NDUFS1: variants seen among roughly 807,000 people sequenced by gnomAD.
The protein encoded by NDUFS1 is NADH:ubiquinone oxidoreductase core subunit S1.
Under a neutral mutation model 84.4 loss-of-function variants are expected in NDUFS1, and 61 were observed. The observed-to-expected ratio is 0.72, with a 90% CI of 0.59 to 0.89. NDUFS1 has a LOEUF of 0.89. Ranked by LOEUF, NDUFS1 falls within the 40% of genes least tolerant of loss-of-function variation. NDUFS1 has a pLI of 0.00. For missense variants in NDUFS1, 891 were observed against 890.0 expected, an observed-to-expected ratio of 1.00 and a Z score of -0.01; for synonymous variants, 275 against 290.0, an observed-to-expected ratio of 0.95 and a Z score of 0.53.
At chr2:206,136,639 G>T (rs1216719788) in intron 13 of NDUFS1, among the ~76,000 whole-genome samples, 1 of 151,776 alleles carries the variant, frequency 6.6e-6, no homozygotes, top group Non-Finnish European at 1.5e-5. Context: ...TAACCATGTT[G>T]GCCAGGCTGG....
rs1691111415 is a variant in NDUFS1, at chr2:206,122,055, C to T, written c.*2130G>A. The T allele has an allele frequency of 6.6e-6, 1 of 152,154 alleles. No individual in the cohort carries two copies. Among genetic ancestry groups the T allele is most frequent in the Non-Finnish European group, 1.5e-5 (1 of 68,038 alleles). The allele number at this position is 152,154 out of a possible 1,614,324, so 9.4% of individuals were successfully genotyped here. On this transcript the variant is annotated 3_prime_UTR_variant, in exon 19 of 19. Coordinates refer to ENST00000233190, the MANE Select transcript of NDUFS1 (RefSeq NM_005006.7). ...AGGTAACTGGGCATTTTAGGCAAAG[C>T]ACACAACTTCATGATGTATCACTGA...
At chr2:206,130,570 G>C (rs997231424) in intron 14 of NDUFS1, among the ~76,000 whole-genome samples, 2 of 152,060 alleles carry the variant, frequency 1.3e-5, no homozygotes, top group African/African-American at 4.8e-5. Flanking sequence ...GGCCAGGCTG[G>C]TCTTGAACTC....
intron 10 of NDUFS1, among the ~76,000 whole-genome samples, 197 bp from the exon 11 acceptor site, chr2:206,143,028 G>C (rs1490950179): frequency 6.6e-6 from 1 of 152,196 alleles, no homozygotes; most frequent in Non-Finnish European, 1.5e-5. Context: ...GAAGTGGGCG[G>C]ATCACCTGCA....
At chr2:206,134,256 T>G (rs1691624704) in intron 13 of NDUFS1, among the ~76,000 whole-genome samples, 2 of 152,168 alleles carry the variant, frequency 1.3e-5, no homozygotes, top group Non-Finnish European at 2.9e-5. Flanking sequence ...CTGTAGAGTA[T>G]TATATAGTAA....
intron 1 of NDUFS1, among the ~76,000 whole-genome samples, chr2:206,154,378 T>C (rs1380673081): frequency 6.6e-6 from 1 of 152,206 alleles, no homozygotes; most frequent in Non-Finnish European, 1.5e-5. Flanking sequence ...CTGAACACAC[T>C]GTTGTCACAA....
Position 206,138,545 on chromosome 2 carries a change from G to A in NDUFS1, c.1332C>T (p.His444=), listed in dbSNP as rs1397775409. Residue 444 remains histidine, a synonymous_variant, in exon 13 of 19, where the codon CAC becomes CAT. Transcript: ENST00000233190. The part of the protein sequence containing the change: ...SPVDLTYTYD[H]LGDSPKILQD... ...GAAGAATTTTGGGGGAGTCTCCCAG[G>A]TGGTCATATGTGTAAGTGAGGTCCA... 1.2e-6 allele frequency: 2 copies of A among 1,613,868 alleles called. No homozygotes were observed. The highest frequency in any genetic ancestry group is 2.2e-5 in the East Asian group (1 of 44,880).
chr2:206,159,362 GC>G lies in NDUFS1; in HGVS notation c.-27del. On this transcript the variant is annotated 5_prime_UTR_variant, in exon 1 of 19. Transcript: ENST00000233190. Reference sequence around the variant, plus strand: ...TCACCTTCTCCCCGGAGCCGCGGAGGCTGTTCTGCTAAACTGTCTGGACCAC... The same window carrying G: ...TCACCTTCTCCCCGGAGCCGCGGAGGTGTTCTGCTAAACTGTCTGGACCAC... The G allele has an allele frequency of 1.7e-6, 1 of 594,730 alleles. No individual in the cohort carries two copies. The highest frequency in any genetic ancestry group is 2.0e-5 in the South Asian group (1 of 49,456). 36.8% of individuals were successfully genotyped at this position (594,730 alleles called of 1,614,324 possible).
chr2:206,159,191 T>G, intron 1 of NDUFS1, 150 bp downstream of exon 1: 2 of 1,517,474 alleles, frequency 1.3e-6, no homozygotes, highest in Non-Finnish European at 1.8e-6. Flanking sequence ...ATCTGCCGGC[T>G]CTCAGGGGCT....
chr2:206,134,407 G>A (rs1691631323), intron 13 of NDUFS1, among the ~76,000 whole-genome samples: 1 of 152,130 alleles, frequency 6.6e-6, no homozygotes, highest in Non-Finnish European at 1.5e-5. Context: ...GCCGAAGTGG[G>A]TGGATGACTT....
At chr2:206,131,600 G>C (rs1691513016) in intron 14 of NDUFS1, among the ~76,000 whole-genome samples, 1 of 152,028 alleles carries the variant, frequency 6.6e-6, no homozygotes, top group Non-Finnish European at 1.5e-5. Flanking sequence ...TCAGGAGTTT[G>C]AGACCAGCCT....
Position 206,147,482 on chromosome 2 carries a change from T to A in NDUFS1, c.551+49A>T, listed in dbSNP as rs190204715. On this transcript the variant is annotated intron_variant, in intron 7 of 18. Coordinates refer to ENST00000233190, the MANE Select transcript of NDUFS1 (RefSeq NM_005006.7). ...TTATTATTCATCAAATTGTGACTAT[T>A]AAGTATACAATTATATTCTATAATA... is the stretch of plus-strand genomic sequence containing the variant. 21 of 1,531,424 alleles carry A rather than the reference T, an allele frequency of 1.4e-5. No homozygotes were observed. In the African/African-American group the frequency reaches 2.8e-4, roughly 20 times the overall value. The allele number at this position is 1,531,424 out of a possible 1,614,324, so 94.9% of individuals were successfully genotyped here. A position where few individuals can be genotyped will look rare whatever the true frequency, so the allele number is the denominator to read the frequency against.
chr2:206,145,920 T>A (rs982637958), intron 8 of NDUFS1, among the ~76,000 whole-genome samples: 1 of 152,204 alleles, frequency 6.6e-6, no homozygotes. Flanking sequence ...TTTGTAGTGG[T>A]AATTGCGGCA....
rs972153295 is a variant in NDUFS1 at position 206,145,315 on chromosome 2, G to A, written c.738-289C>T. On this transcript the variant is annotated intron_variant, in intron 8 of 18. Transcript: ENST00000233190. ...CATTTTAAAAATTTTTTGTAGAGCC[G>A]GTGTCTCATTATGCTGACCAGGCTG... Among the ~76,000 whole-genome samples the A allele has an allele frequency of 5.3e-5, 8 of 151,744 alleles. No individual in the cohort carries two copies. The East Asian group carries it at 5.8e-4, about 11-fold the overall frequency.
In NDUFS1 at chr2:206,115,900, T is replaced by G. The variant is rs1240817451; in HGVS notation, c.*8285A>C. ...ATACTAGAGCCTAGTCTAAAAATCA[T>G]AGGATGTTGTGAAAAAGACACATAT... On this transcript the variant is annotated 3_prime_UTR_variant, in exon 19 of 19. Coordinates refer to ENST00000233190, the MANE Select transcript of NDUFS1 (RefSeq NM_005006.7). The G allele has an allele frequency of 1.7e-6, 1 of 585,638 alleles. No homozygotes were observed. The highest frequency in any genetic ancestry group is 3.1e-6 in the Non-Finnish European group (1 of 322,684). 36.3% of individuals were successfully genotyped at this position (585,638 alleles called of 1,614,324 possible).
chr2:206,152,781 T>G (rs996725094), intron 2 of NDUFS1, among the ~76,000 whole-genome samples: 5 of 147,434 alleles, frequency 3.4e-5, no homozygotes, highest in African/African-American at 1.2e-4. Context: ...CTTGGCTCAC[T>G]ACAACCTCCA....
At chr2:206,145,073 A>G (rs1443486553) in intron 8 of NDUFS1, 47 bp from the exon 9 acceptor site, 1 of 1,536,416 alleles carries the variant, frequency 6.5e-7, no homozygotes, top group Admixed American at 2.1e-5. Flanking sequence ...GGGAATAAAG[A>G]AAGTTTCTGT....
chr2:206,115,876 T>C lies in NDUFS1; in HGVS notation c.*8309A>G, dbSNP rs2105932058. The C allele has an allele frequency of 3.7e-6, 2 of 541,964 alleles. No individual in the cohort carries two copies. The highest frequency in any genetic ancestry group is 7.0e-5 in the East Asian group (2 of 28,476). 33.6% of individuals were successfully genotyped at this position (541,964 alleles called of 1,614,324 possible). A position where few individuals can be genotyped will look rare whatever the true frequency, so the allele number is the denominator to read the frequency against. ...ATAATTTCATGGATAATTTCATGAA[T>C]ACTAGAGCCTAGTCTAAAAATCATA... is the stretch of plus-strand genomic sequence containing the variant. On this transcript the variant is annotated 3_prime_UTR_variant, in exon 19 of 19. Coordinates refer to ENST00000233190, the MANE Select transcript of NDUFS1 (RefSeq NM_005006.7).
chr2:206,133,846 GT>G (rs915950822), intron 13 of NDUFS1, among the ~76,000 whole-genome samples: 21 of 152,320 alleles, frequency 1.4e-4, no homozygotes, highest in African/African-American at 5.1e-4. Flanking sequence ...CAGGTGCGGT[GT>G]TATGTACCTG....
chr2:206,148,465 T>C (rs1692244424), intron 5 of NDUFS1, among the ~76,000 whole-genome samples: 1 of 152,002 alleles, frequency 6.6e-6, no homozygotes, highest in Non-Finnish European at 1.5e-5. Context: ...GAGCCTAGAA[T>C]AAAGTATCAT....
Sources: allele counts gnomAD v4.1 joint callset (sites outside exome capture counted in the v4.1 genomes callset), GRCh38; gene constraint gnomAD v4.1.1; transcripts MANE v1.5; gene names NCBI Gene and HGNC (gene_info 2026-07-23, HGNC 2026-07-21).